Variants in MCTP1 observed in about 807,000 individuals in gnomAD.
The protein encoded by MCTP1 is multiple C2 and transmembrane domain containing 1, also known as multiple C2 and transmembrane domain-containing protein 1.
In MCTP1, 69 loss-of-function variants were observed where a neutral mutation model predicts 120.6. That is an observed-to-expected ratio of 0.57 (90% CI 0.47 to 0.70). The LOEUF (loss-of-function observed/expected upper bound fraction) is 0.70, where lower values mean the gene tolerates loss of function less well. MCTP1 is among the 30% of genes least tolerant of loss of function. MCTP1 has a pLI of 0.00. For missense variants in MCTP1, 1,203 were observed against 1,248.8 expected (o/e 0.96, Z 0.55); for synonymous variants, 529 against 493.1 (o/e 1.07, Z -0.96).
chr5:94,798,653 T>G (rs1260241463), intron 18 of MCTP1, among the ~76,000 whole-genome samples: 1 of 152,186 alleles, frequency 6.6e-6, no homozygotes, highest in Non-Finnish European at 1.5e-5. Flanking sequence ...TCACTTAGTT[T>G]GATCATTAGT....
chr5:94,743,125 C>T (rs1223109531), intron 19 of MCTP1, among the ~76,000 whole-genome samples: 1 of 137,372 alleles, frequency 7.3e-6, no homozygotes, highest in Non-Finnish European at 1.5e-5. Flanking sequence ...AATGAAAACA[C>T]TGATGTAACC....
intron 1 of MCTP1, among the ~76,000 whole-genome samples, chr5:95,279,226 T>C (rs1760115078): frequency 6.6e-6 from 1 of 152,222 alleles, no homozygotes; most frequent in Non-Finnish European, 1.5e-5. Context: ...ACCTTTATTT[T>C]GTGAAATCAT....
intron 19 of MCTP1, among the ~76,000 whole-genome samples, chr5:94,728,171 T>C (rs937811652): frequency 6.7e-6 from 1 of 148,776 alleles, no homozygotes; most frequent in African/African-American, 2.4e-5. Context: ...GTTGGTTACT[T>C]AGTGGTGTGG....
chr5:95,197,743 CTTTATCCA>C (rs1750555032), intron 1 of MCTP1, among the ~76,000 whole-genome samples: 1 of 152,078 alleles, frequency 6.6e-6, no homozygotes, highest in African/African-American at 2.4e-5. Context: ...ACATAGCTCT[CTTTATCCA>C]TATATGCATG....
chr5:94,714,285 T>C (rs1037656809), intron 20 of MCTP1, among the ~76,000 whole-genome samples: 5 of 152,146 alleles, frequency 3.3e-5, no homozygotes, highest in Non-Finnish European at 5.9e-5. Context: ...TAATTATGGA[T>C]CTCAGCTATT....
At chr5:95,008,154 T>C (rs1007170549) in intron 2 of MCTP1, among the ~76,000 whole-genome samples, 3 of 152,108 alleles carry the variant, frequency 2.0e-5, no homozygotes, top group Non-Finnish European at 4.4e-5. Context: ...TCAAGCTTCA[T>C]TATAACCTCA....
chr5:94,751,879 G>A (rs187363911), intron 19 of MCTP1, among the ~76,000 whole-genome samples: 1 of 149,394 alleles, frequency 6.7e-6, no homozygotes, highest in East Asian at 2.0e-4. Context: ...AACACCGCAT[G>A]TTCTCACTCA....
Position 95,222,262 on chromosome 5 carries a change from G to A in MCTP1, c.720+61594C>T, listed in dbSNP as rs73776319. On this transcript the variant is annotated intron_variant, in intron 1 of 22. Transcript: ENST00000515393. Reference sequence around the variant, plus strand: ...TCCATTGGCTAGAACCTAGTCACATGGCTATGCCTAGCTGCAAGCCAACTA... The same window carrying A: ...TCCATTGGCTAGAACCTAGTCACATAGCTATGCCTAGCTGCAAGCCAACTA... Among the ~76,000 whole-genome samples, 474 of 152,238 alleles carry A rather than the reference G, an allele frequency of 3.1e-3. 2 individuals carry two copies. The highest frequency in any genetic ancestry group is 0.01 in the African/African-American group (425 of 41,532).
At chr5:94,717,976 C>G (rs1759911496) in intron 19 of MCTP1, among the ~76,000 whole-genome samples, 1 of 152,048 alleles carries the variant, frequency 6.6e-6, no homozygotes, top group African/African-American at 2.4e-5. Context: ...TATTCCCAAA[C>G]TACCACTGAC....
chr5:94,861,661 G>A (rs1795808715), intron 17 of MCTP1, among the ~76,000 whole-genome samples: 1 of 151,684 alleles, frequency 6.6e-6, no homozygotes, highest in East Asian at 1.9e-4. Flanking sequence ...AATTTGCTCA[G>A]CATGTCTGTC....
intron 1 of MCTP1, among the ~76,000 whole-genome samples, chr5:95,161,011 G>T (rs1745671417): frequency 6.6e-6 from 1 of 152,124 alleles, no homozygotes; most frequent in African/African-American, 2.4e-5. Flanking sequence ...AACTAACACA[G>T]CCATTATGGA....
intron 1 of MCTP1, among the ~76,000 whole-genome samples, chr5:95,077,102 T>A (rs1423557017): frequency 6.6e-6 from 1 of 152,178 alleles, no homozygotes; most frequent in Non-Finnish European, 1.5e-5. Context: ...ATTCCCAGAC[T>A]CTTAGTTTGA....
chr5:95,199,940 C>A (rs1750817310), intron 1 of MCTP1, among the ~76,000 whole-genome samples: 1 of 151,506 alleles, frequency 6.6e-6, no homozygotes, highest in African/African-American at 2.4e-5. Flanking sequence ...GCAGGCGGAT[C>A]ACCTGAGGTT....
chr5:94,847,839 C>G (rs1260584430), intron 17 of MCTP1, among the ~76,000 whole-genome samples: 1 of 151,960 alleles, frequency 6.6e-6, no homozygotes, highest in East Asian at 1.9e-4. Flanking sequence ...TTACTTCTTA[C>G]GATTATCTAA....
intron 1 of MCTP1, among the ~76,000 whole-genome samples, chr5:95,273,467 A>G (rs960278231): frequency 2.0e-5 from 3 of 152,164 alleles, no homozygotes; most frequent in Non-Finnish European, 4.4e-5. Context: ...CATTATAACT[A>G]TTTCTCCAAA....
At chr5:94,841,934 C>T (rs1207701355) in intron 17 of MCTP1, among the ~76,000 whole-genome samples, 1 of 152,128 alleles carries the variant, frequency 6.6e-6, no homozygotes, top group Non-Finnish European at 1.5e-5. Flanking sequence ...AGGAAAAACA[C>T]CCCCAAGGAG....
intron 1 of MCTP1, among the ~76,000 whole-genome samples, chr5:95,222,494 T>G (rs1163374253): frequency 6.6e-6 from 1 of 152,262 alleles, no homozygotes; most frequent in Non-Finnish European, 1.5e-5. Flanking sequence ...AAATACACAT[T>G]GATACCTAAT....
At chr5:95,199,992 C>T (rs1750825463) in intron 1 of MCTP1, among the ~76,000 whole-genome samples, 1 of 151,970 alleles carries the variant, frequency 6.6e-6, no homozygotes, top group Non-Finnish European at 1.5e-5. Flanking sequence ...GAAACCTCGT[C>T]TCTACTAAAA....
intron 1 of MCTP1, among the ~76,000 whole-genome samples, chr5:95,258,800 A>T (rs1341097538): frequency 6.6e-6 from 1 of 152,212 alleles, no homozygotes; most frequent in Non-Finnish European, 1.5e-5. Flanking sequence ...CCTTGTCAAC[A>T]ATTAACCCCT....
Sources: gnomAD v4.1 joint callset for allele counts (sites outside exome capture counted in the v4.1 genomes callset) on GRCh38, gnomAD v4.1.1 for gene constraint, MANE v1.5 for transcripts, NCBI Gene and HGNC (gene_info 2026-07-23, HGNC 2026-07-21) for gene names.